FAM120C: variants seen among roughly 807,000 people sequenced by gnomAD.
FAM120C encodes the protein family with sequence similarity 120 member C, also known as constitutive coactivator of PPAR-gamma-like protein 2.
FAM120C carries 14 observed loss-of-function variants against 71.2 expected under a neutral mutation model. The observed-to-expected ratio is 0.20, with a 90% confidence interval of 0.13 to 0.31. The LOEUF is 0.31. FAM120C is among the 10% of genes least tolerant of loss of function. The pLI is 1.00. For missense variants in FAM120C, 500 were observed against 879.0 expected, an observed-to-expected ratio of 0.57 and a Z score of 5.45; for synonymous variants, 354 against 353.2, an observed-to-expected ratio of 1.00 and a Z score of -0.03.
At chrX:54,155,080 T>A (rs1192978218) in intron 3 of FAM120C, among the ~76,000 whole-genome samples, 1 of 111,544 alleles carries the variant, frequency 9.0e-6, no homozygotes, top group Non-Finnish European at 1.9e-5. Context: ...GGCATGTGCC[T>A]GTAGTCCCAG....
chrX:54,152,282 C>A (rs2067188022), intron 3 of FAM120C, among the ~76,000 whole-genome samples: 1 of 111,774 alleles, frequency 8.9e-6, no homozygotes. Flanking sequence ...CTCTGTCGCC[C>A]AGGCTGGAGT....
intron 10 of FAM120C, among the ~76,000 whole-genome samples, chrX:54,115,367 T>G (rs148307062): frequency 0.012 from 1,319 of 111,728 alleles, 7 homozygotes; most frequent in Middle Eastern, 0.037. Context: ...ATCAACCTCC[T>G]CTGTAGTCAA....
intron 15 of FAM120C, among the ~76,000 whole-genome samples, chrX:54,078,490 G>A (rs782225323): frequency 9.0e-6 from 1 of 111,627 alleles, no homozygotes; most frequent in South Asian, 3.8e-4. Flanking sequence ...TGCTTTGCGT[G>A]GGAGACTTAC....
At chrX:54,135,719 T>C in intron 5 of FAM120C, 115 bp from the exon 6 acceptor site, 1 of 539,484 alleles carries the variant, frequency 1.9e-6, no homozygotes, top group Non-Finnish European at 3.1e-6. Context: ...TTACAATTTA[T>C]TGAACAGCTA....
chrX:54,094,849 G>A (rs1431234877), intron 10 of FAM120C, among the ~76,000 whole-genome samples: 2 of 109,014 alleles, frequency 1.8e-5, no homozygotes, highest in Non-Finnish European at 3.8e-5. Flanking sequence ...AGGTTGCAGT[G>A]AGCCAAGATC....
At chrX:54,083,858 G>C (rs2066780727) in intron 13 of FAM120C, among the ~76,000 whole-genome samples, 1 of 110,476 alleles carries the variant, frequency 9.1e-6, no homozygotes, top group South Asian at 3.9e-4. Context: ...TAGGATTACA[G>C]ACAGGTGCCC....
At chrX:54,107,509 T>C (rs192017436) in intron 10 of FAM120C, among the ~76,000 whole-genome samples, 32 of 109,141 alleles carry the variant, frequency 2.9e-4, no homozygotes, top group African/African-American at 1.1e-3. Flanking sequence ...TAAATCTTTA[T>C]CATTATTCTT....
intron 15 of FAM120C, among the ~76,000 whole-genome samples, chrX:54,078,133 C>T (rs999420266): frequency 6.7e-5 from 7 of 104,429 alleles, no homozygotes; most frequent in Non-Finnish European, 1.4e-4. Context: ...TTAGTAGAGA[C>T]GGGGTTTCAC....
rs187860802 is a variant in FAM120C, at chrX:54,106,394, T to C, written c.2312+10151A>G. Among the ~76,000 whole-genome samples the C allele has an allele frequency of 5.8e-3, 650 of 111,853 alleles. 1 individual carries two copies. The highest frequency in any genetic ancestry group is 0.01 in the Non-Finnish European group (547 of 53,221). On this transcript the variant is annotated intron_variant, in intron 10 of 15. Transcript: ENST00000375180. The stretch of plus-strand genomic sequence containing the variant: ...GAAACTGGATCCCTTCCATATACCT[T>C]ATGCAAAAATTAACTCAAGATGGAT...
chrX:54,158,959 C>T (rs1447104120), intron 2 of FAM120C, among the ~76,000 whole-genome samples: 1 of 111,447 alleles, frequency 9.0e-6, no homozygotes, highest in Admixed American at 9.6e-5. Flanking sequence ...ACAAAAGAAA[C>T]AAAGAGAAAA....
intron 1 of FAM120C, among the ~76,000 whole-genome samples, chrX:54,181,914 A>G (rs1226129233): frequency 2.7e-5 from 3 of 112,635 alleles, no homozygotes; most frequent in East Asian, 5.5e-4. Flanking sequence ...CTGAACAGTG[A>G]CTGAATCAGT....
At chrX:54,142,002 G>C (rs1195530721) in intron 4 of FAM120C, among the ~76,000 whole-genome samples, 2 of 111,245 alleles carry the variant, frequency 1.8e-5, no homozygotes, top group Non-Finnish European at 3.8e-5. Context: ...GGATTCAAAG[G>C]CTCACCAAAT....
intron 1 of FAM120C, among the ~76,000 whole-genome samples, chrX:54,168,284 G>A (rs1557135475): frequency 9.0e-6 from 1 of 111,423 alleles, no homozygotes; most frequent in Non-Finnish European, 1.9e-5. Flanking sequence ...CTACAGGTGT[G>A]CACCGCCATG....
chrX:54,132,709 C>G lies in FAM120C; in HGVS notation c.2045G>C (p.Arg682Pro). The stretch of plus-strand genomic sequence containing the variant: ...ACACTTACCTTCCACAGGCAGCCGC[C>G]GTCGCATGGCCAAGCGTTCCATTTT... ...QRKMERLAMR[R>P]RLPVEVPSVI... Residue 682 changes from arginine to proline, a missense_variant, in exon 9 of 16, where the codon CGG (arginine) becomes CCG (proline). Transcript: ENST00000375180. 8.3e-7 allele frequency: 1 copy of G among 1,204,660 alleles called. No homozygotes were observed. The highest frequency in any genetic ancestry group is 1.1e-6 in the Non-Finnish European group (1 of 892,607).
At position 54,069,450 on chromosome X, in the gene FAM120C, T is replaced by G. The variant is rs1569531078; in HGVS notation, c.*3583A>C. 9.0e-6 allele frequency: 1 copy of G among 110,821 alleles called. No homozygotes were observed. The highest frequency in any genetic ancestry group is 9.7e-5 in the Admixed American group (1 of 10,260). 9.1% of individuals were successfully genotyped at this position (110,821 alleles called of 1,213,427 possible). A position where few individuals can be genotyped will look rare whatever the true frequency, so the allele number is the denominator to read the frequency against. On this transcript the variant is annotated 3_prime_UTR_variant, in exon 16 of 16. Coordinates refer to ENST00000375180, the MANE Select transcript of FAM120C (RefSeq NM_017848.6). ...TCTACTTGTACTGACTTTTCAAAGGTGGGTGGGTCGTAGAGGCTGTAATGG... is the reference window on the plus strand; with the variant it reads ...TCTACTTGTACTGACTTTTCAAAGGGGGGTGGGTCGTAGAGGCTGTAATGG...
chrX:54,129,886 GGC>G (rs1305047575), intron 9 of FAM120C, among the ~76,000 whole-genome samples: 1 of 110,140 alleles, frequency 9.1e-6, no homozygotes, highest in African/African-American at 3.3e-5. Flanking sequence ...CAGGCGTGGC[GGC>G]GCGCGCCTGC....
intron 1 of FAM120C, among the ~76,000 whole-genome samples, chrX:54,173,127 T>C (rs2067297259): frequency 8.9e-6 from 1 of 112,985 alleles, no homozygotes. Flanking sequence ...AGTTTTTTCA[T>C]TTAATACATA....
intron 1 of FAM120C, among the ~76,000 whole-genome samples, chrX:54,169,939 A>C (rs2067279136): frequency 9.0e-6 from 1 of 111,601 alleles, no homozygotes; most frequent in Non-Finnish European, 1.9e-5. Context: ...AGCAATTAGG[A>C]ACCACAGTTA....
chrX:54,165,856 T>A (rs1221052489), intron 1 of FAM120C, among the ~76,000 whole-genome samples: 1 of 110,503 alleles, frequency 9.0e-6, no homozygotes, highest in Non-Finnish European at 1.9e-5. Context: ...AGAGTGGGGA[T>A]AGTTTATGAA....
Sources: gnomAD v4.1 joint callset for allele counts (sites outside exome capture counted in the v4.1 genomes callset) on GRCh38, gnomAD v4.1.1 for gene constraint, MANE v1.5 for transcripts, NCBI Gene and HGNC (gene_info 2026-07-23, HGNC 2026-07-21) for gene names.